COL4A6: variants seen among roughly 807,000 people sequenced by gnomAD.
The protein encoded by COL4A6 is collagen alpha-6(IV) chain.
Under a neutral mutation model 126.7 loss-of-function variants are expected in COL4A6, and 59 were observed. The ratio of observed to expected loss-of-function variants is 0.47; its 90% CI spans 0.38 to 0.58. COL4A6 has a LOEUF of 0.58. COL4A6 is among the 20% of genes least tolerant of loss of function. The pLI is 0.00. For missense variants in COL4A6, 1,285 were observed against 1,337.3 expected (o/e 0.96, Z 0.61); for synonymous variants, 547 against 496.6 (o/e 1.10, Z -1.35).
rs1173985873 is a variant in COL4A6 at position 108,231,532 on chromosome X, G to A, written c.145-10158C>T. 4.5e-5 allele frequency among the ~76,000 whole-genome samples: 5 copies of A among 112,013 alleles called. No homozygotes were observed. In the East Asian group the frequency reaches 1.1e-3, roughly 25 times the overall value. On this transcript the variant is annotated intron_variant, in intron 3 of 44. Coordinates refer to ENST00000334504, the MANE Select transcript of COL4A6 (RefSeq NM_033641.4). ...ATTCTTTTAACAGCCCCAACAGGTGGGTATTAATCTCATTTTACAGATGAG... is the reference window on the plus strand; with the variant it reads ...ATTCTTTTAACAGCCCCAACAGGTGAGTATTAATCTCATTTTACAGATGAG...
chrX:108,247,383 TCTC>T (rs1399276485), intron 3 of COL4A6, among the ~76,000 whole-genome samples: 2 of 111,123 alleles, frequency 1.8e-5, no homozygotes, highest in African/African-American at 6.6e-5. Flanking sequence ...TTTTATTCTC[TCTC>T]TTCTCATAAA....
At chrX:108,425,626 C>T (rs755806186) in intron 2 of COL4A6, among the ~76,000 whole-genome samples, 53 of 108,415 alleles carry the variant, frequency 4.9e-4, no homozygotes, top group Non-Finnish European at 6.5e-4. Context: ...ACCAGCTACT[C>T]GGGAGGCTGA....
At chrX:108,334,545 A>T (rs1363174509) in intron 2 of COL4A6, among the ~76,000 whole-genome samples, 1 of 111,854 alleles carries the variant, frequency 8.9e-6, no homozygotes, top group Non-Finnish European at 1.9e-5. Context: ...CATCCATTAG[A>T]GGCAATAAAG....
chrX:108,174,369 G>A, intron 31 of COL4A6, 71 bp downstream of exon 31: 1 of 1,046,707 alleles, frequency 9.6e-7, no homozygotes, highest in Non-Finnish European at 1.3e-6. Flanking sequence ...AGAGAGGTGG[G>A]CAGTGGGGGT....
chrX:108,371,856 G>GA lies in COL4A6; in HGVS notation c.64-61029dup, dbSNP rs34557947. On this transcript the variant is annotated intron_variant, in intron 2 of 44. Transcript: ENST00000334504. ...AGCATGACAGAGGTCCAATATGAAG[G>GA]AAAAAAAAAAAAAAAAAAAAGACCT... Among the ~76,000 whole-genome samples the GA allele has an allele frequency of 4.7e-3, 239 of 50,537 alleles. 3 individuals carry two copies. The highest frequency in any genetic ancestry group is 0.037 in the East Asian group (63 of 1,685). 43.9% of individuals were successfully genotyped at this position (50,537 alleles called of 115,157 possible).
chrX:108,439,175 C>T (rs183224522), upstream of COL4A6, among the ~76,000 whole-genome samples: 63 of 110,912 alleles, frequency 5.7e-4, no homozygotes, highest in Admixed American at 2.0e-3. Context: ...AGAGTCAATA[C>T]CTTTTACATT....
chrX:108,259,121 A>G (rs748201354), intron 3 of COL4A6, among the ~76,000 whole-genome samples: 2 of 111,635 alleles, frequency 1.8e-5, no homozygotes, highest in Admixed American at 1.9e-4. Context: ...GCTCATTATA[A>G]TAATGGAAAC....
chrX:108,269,218 C>T (rs771545485), intron 3 of COL4A6: 3 of 325,518 alleles, frequency 9.2e-6, no homozygotes, highest in Admixed American at 3.2e-5. Context: ...AAGGGACTTT[C>T]GGAGCCTGCA....
intron 3 of COL4A6, chrX:108,269,171 T>A (rs774957144): frequency 3.4e-5 from 11 of 327,763 alleles, no homozygotes; most frequent in Middle Eastern, 8.7e-4. Context: ...AAAAAAAAAA[T>A]AATAGATCAG....
intron 2 of COL4A6, among the ~76,000 whole-genome samples, chrX:108,416,493 G>A (rs1052869528): frequency 8.9e-6 from 1 of 112,022 alleles, no homozygotes; most frequent in Admixed American, 9.5e-5. Context: ...GAAATTACTT[G>A]TACTTCCTAG....
intron 12 of COL4A6, among the ~76,000 whole-genome samples, chrX:108,203,988 T>C: frequency 9.0e-6 from 1 of 111,387 alleles, no homozygotes; most frequent in Non-Finnish European, 1.9e-5. Context: ...GGTTGGGAGT[T>C]AGGAGGAAAA....
rs182464312 is a variant in COL4A6 at position 108,327,335 on chromosome X, T to G, written c.64-16507A>C. On this transcript the variant is annotated intron_variant, in intron 2 of 44. Transcript: ENST00000334504. ...GCCCCACACCTCCCACCCCGGCCCC[T>G]TCTATGGAAAAATTGTCTTCCACAA... Among the ~76,000 whole-genome samples the G allele has an allele frequency of 4.6e-3, 470 of 103,015 alleles. 3 individuals are homozygous for G. The highest frequency in any genetic ancestry group is 0.015 in the African/African-American group (423 of 28,500). The allele number at this position is 103,015 out of a possible 115,157, so 89.5% of individuals were successfully genotyped here.
rs186078104 is a variant in COL4A6 at position 108,231,909 on chromosome X, T to A, written c.145-10535A>T. Among the ~76,000 whole-genome samples, 16 of 111,945 alleles carry A rather than the reference T, an allele frequency of 1.4e-4. No homozygotes were observed. The East Asian group carries it at 4.5e-3, about 31-fold the overall frequency. ...TCCCTAGAACTTAAAAGATGGGGGA[T>A]TTCTTCTGGTTCCACAATTAAAGTG... On this transcript the variant is annotated intron_variant, in intron 3 of 44. Transcript: ENST00000334504.
intron 15 of COL4A6, 112 bp from the exon 16 acceptor site, chrX:108,194,699 G>C: frequency 1.4e-6 from 1 of 727,833 alleles, no homozygotes; most frequent in Non-Finnish European, 2.1e-6. Context: ...ACATTGCAGG[G>C]TATATGTGGC....
intron 3 of COL4A6, among the ~76,000 whole-genome samples, chrX:108,303,623 C>T (rs760698241): frequency 4.5e-5 from 5 of 111,700 alleles, no homozygotes; most frequent in Admixed American, 9.4e-5. Flanking sequence ...ATTTAAAGAG[C>T]GAGTTTCTAA....
Position 108,175,705 on chromosome X carries a change from A to T in COL4A6, c.2779T>A (p.Ser927Thr). The T allele has an allele frequency of 8.3e-7, 1 of 1,199,346 alleles. No individual in the cohort carries two copies. The highest frequency in any genetic ancestry group is 1.1e-6 in the Non-Finnish European group (1 of 885,148). ...CCAGATGGTCCCATTTTTCCAGTTG[A>T]TCCTGGAATTCCTTTTAATCCTCTT... ...GTRGLKGIPG[S>T]TGKMGPSGRA... is the part of the protein sequence containing the mutation. The change falls in exon 29 of 45, where the codon TCA (serine) becomes ACA (threonine). Residue 927 changes from serine (S) to threonine (T), a missense_variant. Transcript: ENST00000334504.
intron 23 of COL4A6, chrX:108,183,705 A>G (rs960603938): frequency 3.3e-6 from 3 of 921,027 alleles, no homozygotes; most frequent in African/African-American, 4.1e-5. Context: ...GAGCTTGTAG[A>G]CCTAGCTAGC....
At chrX:108,184,578 T>C (rs2034794423) in intron 23 of COL4A6, among the ~76,000 whole-genome samples, 1 of 112,325 alleles carries the variant, frequency 8.9e-6, no homozygotes, top group South Asian at 3.8e-4. Context: ...CTTTCCACAA[T>C]GAGTTGAAGC....
intron 18 of COL4A6, among the ~76,000 whole-genome samples, chrX:108,192,150 T>C (rs2035062132): frequency 8.9e-6 from 1 of 112,053 alleles, no homozygotes. Context: ...TCAGCTGGGA[T>C]GGCACATCCA....
Sources: gnomAD v4.1 joint callset for allele counts (sites outside exome capture counted in the v4.1 genomes callset) on GRCh38, gnomAD v4.1.1 for gene constraint, MANE v1.5 for transcripts, NCBI Gene and HGNC (gene_info 2026-07-23, HGNC 2026-07-21) for gene names.